The following CSMD1 variants were observed in gnomAD, a reference collection of about 807,000 sequenced individuals.
CSMD1 encodes CUB and Sushi multiple domains 1.
A neutral mutation model predicts 417.5 loss-of-function variants in CSMD1; 213 were observed. The ratio of observed to expected loss-of-function variants is 0.51; its 90% confidence interval spans 0.46 to 0.57. The LOEUF is 0.57. Among genes scored for constraint, CSMD1 ranks in the 20% least tolerant of loss-of-function variants. The probability of loss-of-function intolerance (pLI) is 0.00; values close to 1 mark genes in which losing one functional copy is unlikely to be tolerated. For missense variants in CSMD1, 6,923 were observed against 4,529.7 expected, an observed-to-expected ratio of 1.53 and a Z score of -15.17; for synonymous variants, 2,862 against 1,736.8, an observed-to-expected ratio of 1.65 and a Z score of -16.11.
intron 2 of CSMD1, among the ~76,000 whole-genome samples, chr8:4,421,272 T>C (rs1797236026): frequency 1.3e-5 from 2 of 152,170 alleles, no homozygotes; most frequent in Admixed American, 1.3e-4. Flanking sequence ...ACAGTGAGTT[T>C]AAATTCTCCT....
intron 5 of CSMD1, among the ~76,000 whole-genome samples, chr8:3,781,124 A>G (rs1421298328): frequency 6.6e-6 from 1 of 152,196 alleles, no homozygotes; most frequent in African/African-American, 2.4e-5. Context: ...AAACACCTTC[A>G]GCTTTGGAGT....
At chr8:3,562,992 A>C (rs1279655227) in intron 10 of CSMD1, among the ~76,000 whole-genome samples, 1 of 152,098 alleles carries the variant, frequency 6.6e-6, no homozygotes, top group Non-Finnish European at 1.5e-5. Context: ...AACTCTTCAC[A>C]AGATAATATG....
At chr8:4,941,585 GT>G (rs1221188442) in intron 1 of CSMD1, among the ~76,000 whole-genome samples, 1 of 150,082 alleles carries the variant, frequency 6.7e-6, no homozygotes, top group Non-Finnish European at 1.5e-5. Flanking sequence ...GAAACAATCA[GT>G]TTTTTTTAAT....
chr8:3,741,837 G>C (rs560255954), intron 6 of CSMD1, among the ~76,000 whole-genome samples: 2 of 152,268 alleles, frequency 1.3e-5, no homozygotes, highest in Non-Finnish European at 2.9e-5. Context: ...ATGTGCTCAA[G>C]TCGGCTTTAG....
At chr8:4,594,853 T>G (rs957325162) in intron 2 of CSMD1, among the ~76,000 whole-genome samples, 1 of 152,186 alleles carries the variant, frequency 6.6e-6, no homozygotes, top group Non-Finnish European at 1.5e-5. Flanking sequence ...AATTCCTTAG[T>G]AAATCTTCAT....
intron 5 of CSMD1, among the ~76,000 whole-genome samples, chr8:3,767,887 T>G (rs1447381463): frequency 6.6e-6 from 1 of 152,204 alleles, no homozygotes; most frequent in Non-Finnish European, 1.5e-5. Context: ...TATATCATGG[T>G]AAAAAGTTAA....
At chr8:4,574,138 G>C (rs1222786295) in intron 2 of CSMD1, among the ~76,000 whole-genome samples, 4 of 150,782 alleles carry the variant, frequency 2.7e-5, no homozygotes, top group Non-Finnish European at 5.9e-5. Context: ...GAACAGTTCT[G>C]TCTCGTTGGG....
In CSMD1 at chr8:4,087,068, G is replaced by A. The variant is rs183011731; in HGVS notation, c.416-54969C>T. ...GACTGCCTTGGGCTAGCCCAAGAGA[G>A]ATGCGTCATCCAAGCTTAGCCTTTC... On this transcript the variant is annotated intron_variant, in intron 3 of 69. Coordinates refer to ENST00000635120, the MANE Select transcript of CSMD1 (RefSeq NM_033225.6). Among the ~76,000 whole-genome samples, 8 of 152,312 alleles carry A rather than the reference G, an allele frequency of 5.3e-5. No individual in the cohort carries two copies. In the East Asian group the frequency reaches 1.4e-3, roughly 26 times the overall value.
At chr8:3,229,726 T>C (rs941895344) in intron 27 of CSMD1, among the ~76,000 whole-genome samples, 7 of 152,192 alleles carry the variant, frequency 4.6e-5, no homozygotes, top group Non-Finnish European at 7.3e-5. Context: ...ATGGTAGGTT[T>C]ATAAATTTTG....
intron 3 of CSMD1, among the ~76,000 whole-genome samples, chr8:4,395,822 A>G (rs1487998036): frequency 3.9e-5 from 6 of 152,198 alleles, no homozygotes; most frequent in Admixed American, 2.6e-4. Context: ...CTCAAAGTAG[A>G]TACACATTAA....
intron 1 of CSMD1, among the ~76,000 whole-genome samples, chr8:4,701,789 G>A (rs1380480682): frequency 6.6e-6 from 1 of 151,610 alleles, no homozygotes; most frequent in Non-Finnish European, 1.5e-5. Context: ...TTGGGTGGAA[G>A]ATTTAATGAA....
At chr8:3,108,477 C>T (rs1238225723) in intron 44 of CSMD1, 126 bp downstream of exon 44, 1 of 934,330 alleles carries the variant, frequency 1.1e-6, no homozygotes, top group African/African-American at 1.7e-5. Flanking sequence ...GCCTCCAGTG[C>T]AAAAGAATCA....
chr8:4,222,208 G>T (rs150759977), intron 3 of CSMD1, among the ~76,000 whole-genome samples: 2 of 152,030 alleles, frequency 1.3e-5, no homozygotes, highest in African/African-American at 2.4e-5. Context: ...CCAGATAATT[G>T]AATCAAGATT....
At chr8:4,879,626 G>A (rs371978756) in intron 1 of CSMD1, among the ~76,000 whole-genome samples, 1 of 152,024 alleles carries the variant, frequency 6.6e-6, no homozygotes, top group South Asian at 2.1e-4. Context: ...ATCAACAACA[G>A]TTAAAGAGCC....
intron 5 of CSMD1, among the ~76,000 whole-genome samples, chr8:3,959,373 C>G (rs1812171001): frequency 6.6e-6 from 1 of 152,126 alleles, no homozygotes; most frequent in South Asian, 2.1e-4. Flanking sequence ...ATGGCGCCAG[C>G]CTGTAGTACC....
chr8:4,885,998 TTTA>T (rs1803714353), intron 1 of CSMD1, among the ~76,000 whole-genome samples: 3 of 52,270 alleles, frequency 5.7e-5, no homozygotes, highest in Non-Finnish European at 1.4e-4. Flanking sequence ...TACTTATTTA[TTTA>T]CTTATTTGAG....
intron 8 of CSMD1, among the ~76,000 whole-genome samples, chr8:3,588,197 T>A (rs982192938): frequency 3.9e-5 from 6 of 152,124 alleles, no homozygotes; most frequent in African/African-American, 1.4e-4. Flanking sequence ...TATATTGTCA[T>A]TGAACATCTG....
chr8:4,753,884 G>T (rs1441232811), intron 1 of CSMD1, among the ~76,000 whole-genome samples: 2 of 152,130 alleles, frequency 1.3e-5, no homozygotes, highest in Non-Finnish European at 2.9e-5. Flanking sequence ...AAGCTAGAAG[G>T]TGGCAGGGAG....
chr8:4,524,013 C>G (rs893205399), intron 2 of CSMD1, among the ~76,000 whole-genome samples: 1 of 152,054 alleles, frequency 6.6e-6, no homozygotes, highest in African/African-American at 2.4e-5. Flanking sequence ...GGTTTTGGAT[C>G]TCCAACATTA....
Sources: allele counts gnomAD v4.1 joint callset (sites outside exome capture counted in the v4.1 genomes callset), GRCh38; gene constraint gnomAD v4.1.1; transcripts MANE v1.5; gene names NCBI Gene and HGNC (gene_info 2026-07-23, HGNC 2026-07-21).